CFAP47: variants seen among roughly 807,000 people sequenced by gnomAD.
CFAP47 encodes cilia- and flagella-associated protein 47.
CFAP47 carries 29 observed loss-of-function variants against 148.1 expected under a neutral mutation model. The ratio of observed to expected loss-of-function variants is 0.20; its 90% CI spans 0.15 to 0.27. The LOEUF is 0.27. Among genes scored for constraint, CFAP47 ranks in the 10% least tolerant of loss-of-function variants. CFAP47 has a pLI of 1.00. For synonymous variants in CFAP47, 664 were observed against 577.3 expected, an observed-to-expected ratio of 1.15 and a Z score of -2.15; for missense variants, 1,872 against 1,697.5, an observed-to-expected ratio of 1.10 and a Z score of -1.81.
intron 39 of CFAP47, among the ~76,000 whole-genome samples, chrX:36,177,015 A>G (rs887410415): frequency 1.5e-4 from 17 of 112,697 alleles, no homozygotes; most frequent in Non-Finnish European, 3.2e-4. Context: ...CGTAGAATTC[A>G]TATAGGTAGA....
At chrX:35,951,002 A>C (rs746483592) in intron 4 of CFAP47, 129 bp from the exon 5 acceptor site, 2 of 479,180 alleles carry the variant, frequency 4.2e-6, no homozygotes, top group Non-Finnish European at 7.2e-6. Context: ...AACTACTCTT[A>C]GGCTACTGAA....
At chrX:36,285,790 T>C in intron 51 of CFAP47, 64 bp downstream of exon 51, 1 of 864,957 alleles carries the variant, frequency 1.2e-6, no homozygotes, top group Non-Finnish European at 1.6e-6. Flanking sequence ...TTTTGTTGTA[T>C]AGTAAATTAT....
intron 15 of CFAP47, among the ~76,000 whole-genome samples, chrX:35,983,362 G>A (rs143258307): frequency 8.1e-5 from 9 of 111,662 alleles, no homozygotes; most frequent in Non-Finnish European, 1.5e-4. Flanking sequence ...AGACTATGGG[G>A]CTTTCTAGGT....
chrX:36,055,677 A>G (rs1490580562), intron 26 of CFAP47, among the ~76,000 whole-genome samples: 1 of 112,035 alleles, frequency 8.9e-6, no homozygotes, highest in Non-Finnish European at 1.9e-5. Flanking sequence ...ATTCCTTTGG[A>G]TATATACCCA....
chrX:36,371,674 GTGTATATATGTGTGTATATACACACA>G (rs1569329114), intron 62 of CFAP47, among the ~76,000 whole-genome samples: 2 of 74,296 alleles, frequency 2.7e-5, no homozygotes, highest in African/African-American at 6.5e-5. Flanking sequence ...ATACACACAT[GTGTATATATGTGTGTATATACACACA>G]TGTGTATATA....
At chrX:36,123,204 C>T (rs915976880) in intron 33 of CFAP47, among the ~76,000 whole-genome samples, 3 of 112,478 alleles carry the variant, frequency 2.7e-5, no homozygotes, top group Non-Finnish European at 5.6e-5. Context: ...TGTAGTGACA[C>T]AGACACCTCT....
chrX:36,344,993 A>T (rs1451259264), intron 57 of CFAP47, among the ~76,000 whole-genome samples: 1 of 111,865 alleles, frequency 8.9e-6, no homozygotes, highest in African/African-American at 3.3e-5. Flanking sequence ...CACAATAGAA[A>T]ATCTATGTTA....
intron 33 of CFAP47, 35 bp downstream of exon 33, chrX:36,104,726 G>C: frequency 2.0e-6 from 1 of 504,504 alleles, no homozygotes; most frequent in Non-Finnish European, 3.3e-6. Flanking sequence ...ACAAATTATT[G>C]CAAATTGTAG....
intron 51 of CFAP47, among the ~76,000 whole-genome samples, chrX:36,296,947 T>C (rs1941248197): frequency 8.9e-6 from 1 of 112,009 alleles, no homozygotes; most frequent in Non-Finnish European, 1.9e-5. Flanking sequence ...CATTTTACAC[T>C]TTTATTTTTC....
intron 61 of CFAP47, among the ~76,000 whole-genome samples, chrX:36,365,245 CATT>C (rs1297546979): frequency 3.5e-4 from 39 of 110,405 alleles, no homozygotes; most frequent in Non-Finnish European, 7.0e-4. Flanking sequence ...TATTAATCAT[CATT>C]GACTAAATTA....
At chrX:36,094,454 C>A (rs1308081054) in intron 30 of CFAP47, among the ~76,000 whole-genome samples, 1 of 111,107 alleles carries the variant, frequency 9.0e-6, no homozygotes, top group Non-Finnish European at 1.9e-5. Context: ...CTATAAATTG[C>A]TTTGGGTAGC....
chrX:36,085,651 A>C, intron 30 of CFAP47, 113 bp downstream of exon 30: 1 of 348,286 alleles, frequency 2.9e-6, no homozygotes, highest in South Asian at 5.3e-5. Context: ...ACACACACAC[A>C]CACACACACA....
chrX:36,269,099 G>C (rs1556001483), intron 49 of CFAP47, among the ~76,000 whole-genome samples: 2 of 111,838 alleles, frequency 1.8e-5, no homozygotes, highest in African/African-American at 6.5e-5. Context: ...TTTGTGAAAA[G>C]TGATCTCCCT....
chrX:35,994,897 C>A (rs772444047), intron 18 of CFAP47, among the ~76,000 whole-genome samples: 2 of 111,355 alleles, frequency 1.8e-5, no homozygotes, highest in African/African-American at 6.5e-5. Flanking sequence ...TAACCAGGGT[C>A]TTTGATGTCA....
chrX:36,090,708 A>G (rs1419011938), intron 30 of CFAP47, among the ~76,000 whole-genome samples: 1 of 111,733 alleles, frequency 8.9e-6, no homozygotes, highest in East Asian at 2.8e-4. Flanking sequence ...CATATGTTTC[A>G]TCATGGAAAT....
chrX:36,229,187 C>T (rs1159414261), intron 46 of CFAP47, among the ~76,000 whole-genome samples: 3 of 111,674 alleles, frequency 2.7e-5, no homozygotes, highest in African/African-American at 9.8e-5. Flanking sequence ...ACAATGATTG[C>T]CTGTAGCTTG....
rs374771423 is a variant in CFAP47, at chrX:36,073,276, A to G, written c.4603A>G (p.Lys1535Glu). 8.3e-7 allele frequency: 1 copy of G among 1,210,071 alleles called. No homozygotes were observed. The highest frequency in any genetic ancestry group is 2.3e-4 in the Middle Eastern group (1 of 4,350). Reference protein sequence around the residue: ...EGTKAHYFFEKVVNAAQTWFS... With the variant: ...EGTKAHYFFEEVVNAAQTWFS... ...AACAAAGGCACACTACTTTTTTGAG[A>G]AGGTTGTAAATGCAGCACAGACCTG... Residue 1535 changes from lysine to glutamate, a missense_variant, in exon 29 of 64, where the codon AAG becomes GAG. Coordinates refer to ENST00000378653, the MANE Select transcript of CFAP47 (RefSeq NM_001304548.2).
chrX:36,139,339 G>A (rs1477356875), intron 35 of CFAP47, among the ~76,000 whole-genome samples: 1 of 111,559 alleles, frequency 9.0e-6, no homozygotes, highest in East Asian at 2.8e-4. Flanking sequence ...AGTGACATAC[G>A]TTAAGGAAAT....
At chrX:36,103,674 G>A (rs755367868) in intron 32 of CFAP47, among the ~76,000 whole-genome samples, 1 of 109,567 alleles carries the variant, frequency 9.1e-6, no homozygotes, top group Admixed American at 9.9e-5. Context: ...CATACCACTG[G>A]AAAACCATCT....
Sources: allele counts gnomAD v4.1 joint callset (sites outside exome capture counted in the v4.1 genomes callset), GRCh38; gene constraint gnomAD v4.1.1; transcripts MANE v1.5; gene names NCBI Gene and HGNC (gene_info 2026-07-23, HGNC 2026-07-21).